ERP44: variants seen among roughly 807,000 people sequenced by gnomAD.
ERP44 encodes the protein endoplasmic reticulum protein 44, also known as endoplasmic reticulum resident protein 44.
In ERP44, 25 loss-of-function variants were observed where a neutral mutation model predicts 53.4. That is an observed-to-expected ratio of 0.47 (90% CI 0.34 to 0.65). ERP44 has a LOEUF of 0.65. Among genes scored for constraint, ERP44 ranks in the 30% least tolerant of loss-of-function variants. ERP44 has a pLI of 0.01. For missense variants in ERP44, 338 were observed against 493.2 expected (o/e 0.69, Z 2.98); for synonymous variants, 145 against 161.2 (o/e 0.90, Z 0.76).
At position 100,098,828 on chromosome 9, in the gene ERP44, C is replaced by A. The variant is rs775546311; in HGVS notation, c.13G>T (p.Val5Phe). Residue 5 changes from valine to phenylalanine, a missense_variant, in exon 1 of 12, where the codon GTC becomes TTC. By Grantham distance (50) the Val-to-Phe change is conservative. Around this residue, in one of 3 missense-constraint regions of ERP44, gnomAD observed 224 missense variants for 301.4 expected, o/e 0.74. Coordinates refer to ENST00000262455, the MANE Select transcript of ERP44 (RefSeq NM_015051.3). Reference protein sequence around the residue: MHPAVFLSLPDLRCS... With the variant: MHPAFFLSLPDLRCS... ...CTGAGGTCGGGTAAGGATAGGAAGA[C>A]GGCAGGATGCATGGTAACGCTGGGG... 4.3e-6 allele frequency: 7 copies of A among 1,613,494 alleles called. No individual in the cohort carries two copies. Among genetic ancestry groups the A allele is most frequent in the Non-Finnish European group, 5.9e-6 (7 of 1,179,734 alleles).
intron 10 of ERP44, among the ~76,000 whole-genome samples, chr9:100,001,470 C>G (rs1454887126): frequency 6.6e-6 from 1 of 152,080 alleles, no homozygotes; most frequent in Non-Finnish European, 1.5e-5. Context: ...GTATTATAGT[C>G]TCCTTTCAGA....
intron 11 of ERP44, among the ~76,000 whole-genome samples, 154 bp downstream of exon 11, chr9:99,984,813 A>G (rs994722806): frequency 4.6e-5 from 7 of 152,364 alleles, no homozygotes; most frequent in Non-Finnish European, 1.0e-4. Flanking sequence ...AAGCTTTAAA[A>G]ATTAATTTAA....
At position 100,098,324 on chromosome 9, in the gene ERP44, A is replaced by G. The variant is rs145035249; in HGVS notation, c.57+460T>C. On this transcript the variant is annotated intron_variant, in intron 1 of 11. Coordinates refer to ENST00000262455, the MANE Select transcript of ERP44 (RefSeq NM_015051.3). ...CCAACCAATCGCATCAAGCCACAAC[A>G]GAGGGATCTGCCAACCCGGGCACCG... 5.1e-3 allele frequency among the ~76,000 whole-genome samples: 775 copies of G among 152,322 alleles called. 8 individuals carry two copies. Among genetic ancestry groups the G allele is most frequent in the South Asian group, 0.024 (115 of 4,826 alleles).
intron 10 of ERP44, among the ~76,000 whole-genome samples, chr9:100,005,895 C>T (rs1830420478): frequency 1.3e-5 from 2 of 152,114 alleles, no homozygotes; most frequent in African/African-American, 4.8e-5. Context: ...CATTTTTAAC[C>T]ACTGTATTTA....
chr9:100,039,144 A>C (rs1451011822), intron 4 of ERP44, among the ~76,000 whole-genome samples: 10 of 152,152 alleles, frequency 6.6e-5, no homozygotes, highest in Admixed American at 6.5e-4. Flanking sequence ...CAGAAAATCA[A>C]CAAGGAAACA....
rs1291671817 is a variant in ERP44, at chr9:99,981,298, TAAC to T, written c.*1311_*1313del. On this transcript the variant is annotated 3_prime_UTR_variant, in exon 12 of 12. Coordinates refer to ENST00000262455, the MANE Select transcript of ERP44 (RefSeq NM_015051.3). ...GGAATTATAAGCTGGTTTTTAAAAA[TAAC>T]AATCATTAAATATCCATTATAAATA... 5 of 152,486 alleles carry T rather than the reference TAAC, an allele frequency of 3.3e-5. No homozygotes were observed. The highest frequency in any genetic ancestry group is 2.1e-4 in the South Asian group (1 of 4,832). The allele number at this position is 152,486 out of a possible 1,614,324, so 9.4% of individuals were successfully genotyped here. A position where few individuals can be genotyped will look rare whatever the true frequency, so the allele number is the denominator to read the frequency against.
intron 1 of ERP44, among the ~76,000 whole-genome samples, chr9:100,069,726 A>G (rs1002151039): frequency 6.6e-6 from 1 of 152,228 alleles, no homozygotes; most frequent in Admixed American, 6.5e-5. Flanking sequence ...CATACCTCCA[A>G]AAAGTTCAAA....
chr9:100,090,668 G>A (rs558861476), intron 1 of ERP44, among the ~76,000 whole-genome samples: 26 of 151,870 alleles, frequency 1.7e-4, no homozygotes, highest in African/African-American at 6.0e-4. Context: ...AGAATCACTA[G>A]AACCCAGGAG....
intron 4 of ERP44, among the ~76,000 whole-genome samples, chr9:100,026,511 T>C (rs1830654343): frequency 6.6e-6 from 1 of 152,178 alleles, no homozygotes; most frequent in Non-Finnish European, 1.5e-5. Context: ...AAGCTATCAG[T>C]TTATGAAAGA....
At chr9:100,097,116 G>C (rs1564108910) in intron 1 of ERP44, among the ~76,000 whole-genome samples, 1 of 151,990 alleles carries the variant, frequency 6.6e-6, no homozygotes, top group Non-Finnish European at 1.5e-5. Flanking sequence ...CATTTGCTTA[G>C]AAAGATAATT....
At chr9:100,059,428 G>A (rs772320672) in intron 2 of ERP44, among the ~76,000 whole-genome samples, 4 of 152,200 alleles carry the variant, frequency 2.6e-5, no homozygotes, top group Non-Finnish European at 4.4e-5. Flanking sequence ...GTTCATGCCT[G>A]TAAACCCAGC....
chr9:100,047,013 T>C (rs1187533911), intron 4 of ERP44, among the ~76,000 whole-genome samples: 1 of 152,296 alleles, frequency 6.6e-6, no homozygotes, highest in South Asian at 2.1e-4. Flanking sequence ...GAAGAAAGGA[T>C]AGTCTTTTCA....
intron 4 of ERP44, among the ~76,000 whole-genome samples, chr9:100,045,530 C>T (rs773693208): frequency 1.3e-5 from 2 of 151,954 alleles, no homozygotes; most frequent in Non-Finnish European, 1.5e-5. Context: ...CTAAAATATC[C>T]GAAAGAACAT....
chr9:100,038,536 A>G (rs1304170862), intron 4 of ERP44, among the ~76,000 whole-genome samples: 1 of 152,184 alleles, frequency 6.6e-6, no homozygotes, highest in African/African-American at 2.4e-5. Context: ...ATATCACCAG[A>G]GAAAATCACC....
chr9:100,045,444 G>A (rs1219208974), intron 4 of ERP44, among the ~76,000 whole-genome samples: 1 of 152,074 alleles, frequency 6.6e-6, no homozygotes, highest in Non-Finnish European at 1.5e-5. Flanking sequence ...CATTACATAA[G>A]GTAGGCATAA....
chr9:100,050,685 T>C (rs1272757062), intron 4 of ERP44, among the ~76,000 whole-genome samples: 1 of 152,186 alleles, frequency 6.6e-6, no homozygotes, highest in Admixed American at 6.5e-5. Flanking sequence ...GAGAGATGCA[T>C]AATACCTCAA....
Position 100,007,558 on chromosome 9 carries a change from A to T in ERP44, c.874+20T>A, listed in dbSNP as rs752933438. 2.6e-6 allele frequency: 3 copies of T among 1,147,038 alleles called. No homozygotes were observed. In the East Asian group the frequency reaches 7.0e-5, roughly 27 times the overall value. The allele number at this position is 1,147,038 out of a possible 1,614,324, so 71.1% of individuals were successfully genotyped here. ...AAAGAGAGAAAGAAATGATGAAAATAAACACCTTAATCTGTCTACCTTTTT... is the reference window on the plus strand; with the variant it reads ...AAAGAGAGAAAGAAATGATGAAAATTAACACCTTAATCTGTCTACCTTTTT... On this transcript the variant is annotated intron_variant, in intron 9 of 11. Coordinates refer to ENST00000262455, the MANE Select transcript of ERP44 (RefSeq NM_015051.3).
Position 100,078,618 on chromosome 9 carries a change from G to T in ERP44, c.58-18446C>A, listed in dbSNP as rs534664662. Among the ~76,000 whole-genome samples the T allele has an allele frequency of 4.6e-5, 7 of 152,140 alleles. No individual in the cohort carries two copies. The East Asian group carries it at 1.2e-3, about 25-fold the overall frequency. On this transcript the variant is annotated intron_variant, in intron 1 of 11. Transcript: ENST00000262455. ...AAAAATACAAAAATTAGCTGGGCGT[G>T]GTAGCAGGCACCTGTGATCCCAGCT...
At chr9:100,068,367 TCCGGGAGGGAGGTGGGGGGGTC>T (rs1826253357) in intron 1 of ERP44, among the ~76,000 whole-genome samples, 2 of 114,738 alleles carry the variant, frequency 1.7e-5, no homozygotes, top group African/African-American at 7.3e-5. Flanking sequence ...AGCCGCCCCG[TCCGGGAGGGAGGTGGGGGGGTC>T]AGCCCCCTGC....
Sources: allele counts gnomAD v4.1 joint callset (sites outside exome capture counted in the v4.1 genomes callset), GRCh38; gene constraint gnomAD v4.1.1; regional missense constraint gnomAD v4.1.1; transcripts MANE v1.5; gene names NCBI Gene and HGNC (gene_info 2026-07-23, HGNC 2026-07-21).